The following NRG1 variants were observed in gnomAD, a reference collection of about 807,000 sequenced individuals.
NRG1 encodes the protein neuregulin 1.
A neutral mutation model predicts 63.8 loss-of-function variants in NRG1; 18 were observed. The observed-to-expected ratio is 0.28, with a 90% confidence interval of 0.19 to 0.42. NRG1 has a LOEUF of 0.42. Among genes scored for constraint, NRG1 ranks in the 10% least tolerant of loss-of-function variants. The pLI is 1.00. For missense variants in NRG1, 762 were observed against 814.7 expected, an observed-to-expected ratio of 0.94 and a Z score of 0.79; for synonymous variants, 302 against 301.3, an observed-to-expected ratio of 1.00 and a Z score of -0.02.
At chr8:32,714,398 G>A (rs1292233133) in intron 5 of NRG1, among the ~76,000 whole-genome samples, 1 of 152,144 alleles carries the variant, frequency 6.6e-6, no homozygotes, top group African/African-American at 2.4e-5. Context: ...TGTTTTAATA[G>A]TATTGTTAAC....
At chr8:32,128,310 CT>C (rs1343614286) in intron 1 of NRG1, among the ~76,000 whole-genome samples, 5 of 152,034 alleles carry the variant, frequency 3.3e-5, no homozygotes, top group East Asian at 3.9e-4. Context: ...TGCCTTCCCC[CT>C]GATGGCAGTA....
intron 1 of NRG1, among the ~76,000 whole-genome samples, chr8:32,367,266 G>C (rs944606964): frequency 6.6e-6 from 1 of 152,158 alleles, no homozygotes; most frequent in African/African-American, 2.4e-5. Context: ...CAATGTATAA[G>C]AGTTCCTTTT....
At chr8:32,481,459 C>T (rs1278715643) in intron 1 of NRG1, among the ~76,000 whole-genome samples, 1 of 152,200 alleles carries the variant, frequency 6.6e-6, no homozygotes. Context: ...CAACGAGTGA[C>T]AAAGGAAACA....
intron 1 of NRG1, among the ~76,000 whole-genome samples, chr8:32,066,902 A>G (rs1366234710): frequency 6.6e-5 from 10 of 152,000 alleles, no homozygotes; most frequent in South Asian, 2.1e-4. Flanking sequence ...GAGGTCCTTC[A>G]CATCCCTTGT....
intron 1 of NRG1, among the ~76,000 whole-genome samples, chr8:32,102,353 G>C (rs1324276436): frequency 6.6e-6 from 1 of 152,090 alleles, no homozygotes; most frequent in Non-Finnish European, 1.5e-5. Flanking sequence ...GCCCAGGCTG[G>C]TCTTGAACTC....
chr8:32,604,887 A>G (rs1844999756), intron 2 of NRG1, among the ~76,000 whole-genome samples: 1 of 149,314 alleles, frequency 6.7e-6, no homozygotes, highest in African/African-American at 2.5e-5. Context: ...AAAAAAAAAA[A>G]GTGAATGTTG....
intron 1 of NRG1, among the ~76,000 whole-genome samples, chr8:31,666,280 G>T (rs1293687060): frequency 6.6e-6 from 1 of 152,126 alleles, no homozygotes; most frequent in African/African-American, 2.4e-5. Flanking sequence ...TATAAGCTTT[G>T]CATTAAAAAA....
intron 9 of NRG1, among the ~76,000 whole-genome samples, chr8:32,758,324 G>C (rs1030759068): frequency 2.0e-5 from 3 of 151,934 alleles, no homozygotes; most frequent in African/African-American, 4.8e-5. Flanking sequence ...CACCTGTAAT[G>C]CCAGCACTTT....
chr8:32,531,069 G>A (rs1486928407), intron 1 of NRG1, among the ~76,000 whole-genome samples: 1 of 152,060 alleles, frequency 6.6e-6, no homozygotes, highest in African/African-American at 2.4e-5. Flanking sequence ...CTGCACTCCA[G>A]CATGGGTGGC....
chr8:31,664,960 A>C (rs1435723639), intron 1 of NRG1, among the ~76,000 whole-genome samples: 4 of 152,244 alleles, frequency 2.6e-5, no homozygotes, highest in Non-Finnish European at 4.4e-5. Flanking sequence ...CAAAATGTCA[A>C]ATGAACAGGT....
At chr8:32,672,079 C>T (rs1805814837) in intron 5 of NRG1, among the ~76,000 whole-genome samples, 1 of 150,290 alleles carries the variant, frequency 6.7e-6, no homozygotes, top group Non-Finnish European at 1.5e-5. Flanking sequence ...CAGTCTTGCT[C>T]TGTCGCCCAG....
chr8:32,646,582 T>C (rs1233268578), intron 5 of NRG1: 1 of 659,734 alleles, frequency 1.5e-6, no homozygotes, highest in South Asian at 6.8e-5. Flanking sequence ...TTTGTTAGAT[T>C]GCTAGCATCG....
intron 1 of NRG1, among the ~76,000 whole-genome samples, chr8:32,569,338 C>T (rs976599710): frequency 2.0e-5 from 3 of 152,034 alleles, no homozygotes; most frequent in Non-Finnish European, 4.4e-5. Flanking sequence ...CATGAGCCAC[C>T]GTGCCTGGCC....
intron 1 of NRG1, among the ~76,000 whole-genome samples, chr8:31,804,965 C>G (rs886191384): frequency 1.3e-4 from 20 of 152,204 alleles, no homozygotes; most frequent in African/African-American, 4.8e-4. Flanking sequence ...GGGACTGTTA[C>G]TGCTGAGACA....
intron 1 of NRG1, among the ~76,000 whole-genome samples, chr8:31,832,923 A>G (rs1825307798): frequency 6.6e-6 from 1 of 152,190 alleles, no homozygotes; most frequent in South Asian, 2.1e-4. Flanking sequence ...ACATTCTTTG[A>G]GAATCTGAAC....
At chr8:32,583,895 T>C (rs1168244139) in intron 1 of NRG1, among the ~76,000 whole-genome samples, 2 of 152,220 alleles carry the variant, frequency 1.3e-5, no homozygotes, top group Non-Finnish European at 2.9e-5. Context: ...CTAAGTGAGC[T>C]TCATTTTGAC....
chr8:32,208,055 GA>G (rs1277911288), intron 1 of NRG1, among the ~76,000 whole-genome samples: 1 of 152,108 alleles, frequency 6.6e-6, no homozygotes, highest in East Asian at 1.9e-4. Flanking sequence ...TAATGCACGA[GA>G]AAAGAAATGC....
chr8:32,403,534 A>G (rs1813524335), intron 1 of NRG1, among the ~76,000 whole-genome samples: 1 of 152,166 alleles, frequency 6.6e-6, no homozygotes, highest in Admixed American at 6.5e-5. Context: ...AGCTTATTCA[A>G]ATCCAAGTCT....
At chr8:31,867,814 C>G (rs1829095779) in intron 1 of NRG1, among the ~76,000 whole-genome samples, 1 of 152,002 alleles carries the variant, frequency 6.6e-6, no homozygotes, top group African/African-American at 2.4e-5. Context: ...AAATTCTAAT[C>G]CAAGACCTTA....
Sources: allele counts gnomAD v4.1 joint callset (sites outside exome capture counted in the v4.1 genomes callset), GRCh38; gene constraint gnomAD v4.1.1; transcripts MANE v1.5; gene names NCBI Gene and HGNC (gene_info 2026-07-23, HGNC 2026-07-21).